NCOR1: variants seen among roughly 807,000 people sequenced by gnomAD.
The protein encoded by NCOR1 is protein phosphatase 1, regulatory subunit 109.
Under a neutral mutation model 288.1 loss-of-function variants are expected in NCOR1, and 63 were observed. The ratio of observed to expected loss-of-function variants is 0.22; its 90% CI spans 0.18 to 0.27. The LOEUF is 0.27. Ranked by LOEUF, NCOR1 falls within the 10% of genes least tolerant of loss-of-function variation. NCOR1 has a pLI of 1.00. For synonymous variants in NCOR1, 1,007 were observed against 1,065.9 expected, an observed-to-expected ratio of 0.94 and a Z score of 1.08; for missense variants, 2,397 against 3,019.2, an observed-to-expected ratio of 0.79 and a Z score of 4.83.
chr17:16,170,429 A>G (rs974773058), intron 4 of NCOR1, among the ~76,000 whole-genome samples: 11 of 152,182 alleles, frequency 7.2e-5, no homozygotes, highest in African/African-American at 2.7e-4. Context: ...TTTACTGTTA[A>G]GAGTTTTTAA....
Position 16,080,509 on chromosome 17 carries a change from G to A in NCOR1, c.3299C>T (p.Ala1100Val). ...LPRQQESAKSATLPYIKQEEF... is the reference protein window; with the variant it reads ...LPRQQESAKSVTLPYIKQEEF... ...TTCCTGCTTGATGTAGGGCAAAGTAGCTGTGGAAAGGCAGAGAAACATGAA... is the reference window on the plus strand; with the variant it reads ...TTCCTGCTTGATGTAGGGCAAAGTAACTGTGGAAAGGCAGAGAAACATGAA... The change falls in exon 25 of 46, where the codon GCT becomes GTT. Residue 1100 changes from alanine to valine, a missense_variant and splice_region_variant. By Grantham distance (64) the Ala-to-Val change is moderately conservative. Transcript: ENST00000268712. 6.2e-7 allele frequency: 1 copy of A among 1,614,030 alleles called. No individual in the cohort carries two copies. The highest frequency in any genetic ancestry group is 8.5e-7 in the Non-Finnish European group (1 of 1,179,956).
At chr17:16,184,164 G>A (rs936376805) in intron 3 of NCOR1, among the ~76,000 whole-genome samples, 2 of 152,124 alleles carry the variant, frequency 1.3e-5, no homozygotes, top group South Asian at 2.1e-4. Context: ...CTGGGACACC[G>A]ACCTTGGCAA....
Position 16,068,125 on chromosome 17 carries a change from G to GA in NCOR1, c.4514-5dup. Reference sequence around the variant, plus strand: ...GACTTGTTAGAAGAAATTGTAACTGGAAAAAAAGAGCCAATGCCACAAGTT... The same window carrying GA: ...GACTTGTTAGAAGAAATTGTAACTGGAAAAAAAAGAGCCAATGCCACAAGTT... On this transcript the variant is annotated splice_polypyrimidine_tract_variant and splice_region_variant and intron_variant, in intron 31 of 45. Transcript: ENST00000268712. 1 of 1,593,596 alleles carries GA rather than the reference G, an allele frequency of 6.3e-7. No homozygotes were observed. The highest frequency in any genetic ancestry group is 8.6e-7 in the Non-Finnish European group (1 of 1,167,220).
chr17:16,053,845 A>G (rs919526599), intron 40 of NCOR1, among the ~76,000 whole-genome samples: 3 of 152,066 alleles, frequency 2.0e-5, no homozygotes, highest in African/African-American at 7.2e-5. Context: ...CAAAGATAAG[A>G]CACACAGACC....
intron 42 of NCOR1, chr17:16,044,876 T>C: frequency 6.6e-6 from 5 of 761,950 alleles, no homozygotes; most frequent in Non-Finnish European, 1.1e-5. Context: ...CCACTGCTGC[T>C]GCTCCAGCTG....
chr17:16,035,035 AAGC>A, intron 44 of NCOR1, 91 bp from the exon 45 acceptor site: 3 of 1,239,406 alleles, frequency 2.4e-6, no homozygotes, highest in South Asian at 1.5e-5. Context: ...AATGAAAAAA[AAGC>A]AGAATGGTAA....
chr17:16,154,932 G>A (rs2079482602), intron 6 of NCOR1, among the ~76,000 whole-genome samples: 1 of 152,186 alleles, frequency 6.6e-6, no homozygotes, highest in Admixed American at 6.5e-5. Flanking sequence ...AAGTGGCAAA[G>A]AGAGAGAACT....
chr17:16,119,750 A>T (rs1272263467), intron 16 of NCOR1, among the ~76,000 whole-genome samples: 1 of 152,058 alleles, frequency 6.6e-6, no homozygotes, highest in Non-Finnish European at 1.5e-5. Context: ...TTTCTGGAGA[A>T]GTCCTACCTC....
rs781253959 is a variant in NCOR1 at position 16,080,425 on chromosome 17, T to A, written c.3383A>T (p.His1128Leu). The A allele has an allele frequency of 6.2e-7, 1 of 1,613,996 alleles. No homozygotes were observed. Among genetic ancestry groups the A allele is most frequent in the Non-Finnish European group, 8.5e-7 (1 of 1,179,866 alleles). Residue 1128 changes from histidine (H) to leucine (L), a missense_variant, in exon 25 of 46, where the codon CAT becomes CTT. Around this residue, in one of 11 missense-constraint regions of NCOR1, gnomAD observed 1,872 missense variants for 2,187.8 expected, o/e 0.86. Coordinates refer to ENST00000268712, the MANE Select transcript of NCOR1 (RefSeq NM_006311.4). ...TATTTTACCTCTGACTACACCTTCA[T>A]GTTGGGCCCTGACCAACAGACCCTC... ...QPEGLLVRAQHEGVVRGTAGA... is the reference protein window; with the variant it reads ...QPEGLLVRAQLEGVVRGTAGA...
Position 16,070,234 on chromosome 17 carries a change from G to A in NCOR1, c.4444C>T (p.Arg1482Trp), listed in dbSNP as rs1000518180. ...SPGIYDDTSA[R>W]RTPVSYQNTM... ...TTTTGATAACTCACAGGGGTCCTCC[G>A]TGCACTGGTGTCATCATAAATCCCA... is the stretch of plus-strand genomic sequence containing the variant. Residue 1482 changes from arginine to tryptophan, a missense_variant, in exon 31 of 46, where the codon CGG becomes TGG. Physicochemically the swap from Arg to Trp is moderately radical, Grantham distance 101 (BLOSUM62 -3). Coordinates refer to ENST00000268712, the MANE Select transcript of NCOR1 (RefSeq NM_006311.4). 3 of 1,613,680 alleles carry A rather than the reference G, an allele frequency of 1.9e-6. No homozygotes were observed. The highest frequency in any genetic ancestry group is 1.1e-5 in the South Asian group (1 of 91,070).
At chr17:16,159,085 T>A in intron 5 of NCOR1, among the ~76,000 whole-genome samples, 1 of 85,386 alleles carries the variant, frequency 1.2e-5, no homozygotes, top group South Asian at 3.0e-4. Flanking sequence ...TAGATAGAGT[T>A]TAAAAAAAAA....
At chr17:16,140,007 T>G (rs1257527144) in intron 11 of NCOR1, among the ~76,000 whole-genome samples, 1 of 152,250 alleles carries the variant, frequency 6.6e-6, no homozygotes, top group East Asian at 1.9e-4. Context: ...AGACTGAAAT[T>G]ACACATTAGA....
At chr17:16,186,514 A>C in intron 3 of NCOR1, 40 bp downstream of exon 3, 1 of 1,587,510 alleles carries the variant, frequency 6.3e-7, no homozygotes, top group Non-Finnish European at 8.6e-7. Context: ...ATACTTCACA[A>C]TTATAATCCT....
chr17:16,106,880 TATA>T (rs1254162364), intron 19 of NCOR1, among the ~76,000 whole-genome samples: 1,433 of 56,078 alleles, frequency 0.026, 57 homozygotes, highest in Non-Finnish European at 0.031. Flanking sequence ...TATATATATA[TATA>T]TTTTTTTTTT....
chr17:16,114,073 G>A (rs2070953559), intron 18 of NCOR1, among the ~76,000 whole-genome samples: 1 of 147,892 alleles, frequency 6.8e-6, no homozygotes, highest in Admixed American at 6.9e-5. Flanking sequence ...GTTCCACATG[G>A]CTGGGGAGGC....
chr17:16,049,066 A>T, intron 40 of NCOR1, 78 bp from the exon 41 acceptor site: 1 of 1,396,254 alleles, frequency 7.2e-7, no homozygotes, highest in Non-Finnish European at 9.6e-7. Context: ...TTGTTAACTC[A>T]TGACTTCATT....
intron 9 of NCOR1, among the ~76,000 whole-genome samples, chr17:16,146,765 G>C (rs1037321035): frequency 6.6e-6 from 1 of 152,122 alleles, no homozygotes; most frequent in Admixed American, 6.5e-5. Context: ...GGATTTTTTA[G>C]TTAACATTAA....
At chr17:16,098,563 A>G (rs1003820633) in intron 20 of NCOR1, 67 bp from the exon 21 acceptor site, 2 of 1,378,734 alleles carry the variant, frequency 1.5e-6, no homozygotes, top group Admixed American at 2.1e-5. Context: ...TAATCACTAT[A>G]AGTTCTTCTA....
At chr17:16,180,747 C>T (rs532565071) in intron 3 of NCOR1, among the ~76,000 whole-genome samples, 25 of 150,494 alleles carry the variant, frequency 1.7e-4, no homozygotes, top group East Asian at 5.8e-4. Flanking sequence ...GACCCTATCT[C>T]AAAAAAAAAG....
Sources: allele counts gnomAD v4.1 joint callset (sites outside exome capture counted in the v4.1 genomes callset), GRCh38; gene constraint gnomAD v4.1.1; regional missense constraint gnomAD v4.1.1; transcripts MANE v1.5; gene names NCBI Gene and HGNC (gene_info 2026-07-23, HGNC 2026-07-21).